Variants in APBA1 observed in about 807,000 individuals in gnomAD.
The protein encoded by APBA1 is amyloid beta precursor protein binding family A member 1.
In APBA1, 55 loss-of-function variants were observed where a neutral mutation model predicts 86.6. That is an observed-to-expected ratio of 0.64 (90% CI 0.51 to 0.80). APBA1 has a LOEUF of 0.80. Ranked by LOEUF, APBA1 falls within the 30% of genes least tolerant of loss-of-function variation. The pLI, the probability that APBA1 is intolerant of heterozygous loss-of-function variation, is 0.00. For missense variants in APBA1, 1,090 were observed against 1,183.0 expected (o/e 0.92, Z 1.15); for synonymous variants, 511 against 493.9 (o/e 1.03, Z -0.46).
intron 1 of APBA1, among the ~76,000 whole-genome samples, chr9:69,590,355 G>A (rs1822106571): frequency 6.6e-6 from 1 of 152,180 alleles, no homozygotes; most frequent in Non-Finnish European, 1.5e-5. Context: ...GTATCCTGTG[G>A]ACATGGGAGA....
chr9:69,593,589 C>T (rs1588383218), intron 1 of APBA1, among the ~76,000 whole-genome samples: 1 of 152,196 alleles, frequency 6.6e-6, no homozygotes, highest in East Asian at 1.9e-4. Context: ...TTACAGGAGG[C>T]TAAAGTTGCC....
chr9:69,672,406 C>T (rs1277302314), upstream of APBA1: 1 of 151,850 alleles, frequency 6.6e-6, no homozygotes, highest in Non-Finnish European at 1.5e-5. Context: ...CCCTCCCGCC[C>T]TCCAGCTAGC....
At chr9:69,576,822 G>A (rs1370642224) in intron 1 of APBA1, among the ~76,000 whole-genome samples, 5 of 152,144 alleles carry the variant, frequency 3.3e-5, no homozygotes, top group Admixed American at 1.3e-4. Context: ...AAACCTGCAC[G>A]TTGTGCACAT....
intron 5 of APBA1, chr9:69,462,934 T>G (rs1022242314): frequency 2.6e-5 from 4 of 152,188 alleles, no homozygotes; most frequent in Non-Finnish European, 4.4e-5. Flanking sequence ...TAGGCAATGC[T>G]GATGCTACTG....
chr9:69,500,739 G>C (rs1332059216), intron 2 of APBA1, among the ~76,000 whole-genome samples: 7 of 152,060 alleles, frequency 4.6e-5, no homozygotes, highest in Admixed American at 4.6e-4. Context: ...CCAACCTCCA[G>C]AGGCTCTAAT....
intron 2 of APBA1, among the ~76,000 whole-genome samples, chr9:69,485,782 A>ATC (rs1292892211): frequency 6.6e-6 from 1 of 152,126 alleles, no homozygotes; most frequent in African/African-American, 2.4e-5. Flanking sequence ...TACAGCTACC[A>ATC]TCTAAGTTTT....
At chr9:69,650,782 C>T (rs1486498764) in intron 1 of APBA1, among the ~76,000 whole-genome samples, 1 of 152,180 alleles carries the variant, frequency 6.6e-6, no homozygotes, top group Non-Finnish European at 1.5e-5. Context: ...AGCATGTATA[C>T]ATACATCTAT....
At chr9:69,605,904 T>C (rs1822460456) in intron 1 of APBA1, among the ~76,000 whole-genome samples, 1 of 152,270 alleles carries the variant, frequency 6.6e-6, no homozygotes, top group Non-Finnish European at 1.5e-5. Flanking sequence ...TCAACATGTA[T>C]TTATCCAATG....
In APBA1 at chr9:69,468,289, G is replaced by C. The variant is rs754283831; in HGVS notation, c.1337-321C>G. ...AGACTGTGAGCTCTTAGGGGACAAG[G>C]ACCATGTGACATTCACCTCTGACTC... On this transcript the variant is annotated intron_variant, in intron 4 of 12. Coordinates refer to ENST00000265381, the MANE Select transcript of APBA1 (RefSeq NM_001163.4). Among the ~76,000 whole-genome samples the C allele has an allele frequency of 9.2e-5, 14 of 152,300 alleles. No individual in the cohort carries two copies. The South Asian group carries it at 1.0e-3, about 11-fold the overall frequency.
At chr9:69,566,452 C>T (rs528200059) in intron 1 of APBA1, among the ~76,000 whole-genome samples, 2 of 152,122 alleles carry the variant, frequency 1.3e-5, no homozygotes, top group South Asian at 2.1e-4. Context: ...GGCATGGGGC[C>T]TAGTGCTTAT....
intron 3 of APBA1, 70 bp from the exon 4 acceptor site, chr9:69,471,765 T>C (rs1423689347): frequency 4.0e-6 from 5 of 1,252,072 alleles, no homozygotes; most frequent in East Asian, 4.6e-5. Flanking sequence ...CAATCATCCA[T>C]GCAACATGAA....
intron 1 of APBA1, among the ~76,000 whole-genome samples, chr9:69,613,526 TAAG>T (rs1241172245): frequency 6.6e-6 from 1 of 152,204 alleles, no homozygotes; most frequent in African/African-American, 2.4e-5. Flanking sequence ...ATCATTGCCT[TAAG>T]CTTTTTCCCC....
Position 69,598,126 on chromosome 9 carries a change from C to T in APBA1, c.-70+74027G>A, listed in dbSNP as rs534817820. Among the ~76,000 whole-genome samples, 198 of 152,094 alleles carry T rather than the reference C, an allele frequency of 1.3e-3. 2 individuals are homozygous for T. The highest frequency in any genetic ancestry group is 5.3e-4 in the Non-Finnish European group (36 of 68,000). On this transcript the variant is annotated intron_variant, in intron 1 of 12. Transcript: ENST00000265381. ...GCCATAAAAAATGATGAGTTCATGT[C>T]CTTTGTAGGGACATGGATGAAATTG...
chr9:69,431,262 G>T lies in APBA1; in HGVS notation c.*65C>A. 2 of 1,317,000 alleles carry T rather than the reference G, an allele frequency of 1.5e-6. No homozygotes were observed. The highest frequency in any genetic ancestry group is 2.1e-6 in the Non-Finnish European group (2 of 957,916). The allele number at this position is 1,317,000 out of a possible 1,614,324, so 81.6% of individuals were successfully genotyped here. A position where few individuals can be genotyped will look rare whatever the true frequency, so the allele number is the denominator to read the frequency against. On this transcript the variant is annotated 3_prime_UTR_variant, in exon 13 of 13. Transcript: ENST00000265381. ...GGAAAGTCTCAGTGGACACAGGGAT[G>T]CAGCACGAGAAACACAACCACGAAG...
At chr9:69,459,980 G>A (rs1338044250) in intron 5 of APBA1, among the ~76,000 whole-genome samples, 1 of 152,208 alleles carries the variant, frequency 6.6e-6, no homozygotes, top group African/African-American at 2.4e-5. Context: ...CAAGTCAATG[G>A]CCAAACTGCA....
intron 1 of APBA1, among the ~76,000 whole-genome samples, chr9:69,648,036 T>G (rs1823424821): frequency 6.6e-6 from 1 of 152,210 alleles, no homozygotes; most frequent in African/African-American, 2.4e-5. Context: ...CACTGCACTC[T>G]CTGGATCAGA....
intron 1 of APBA1, among the ~76,000 whole-genome samples, chr9:69,601,000 G>A (rs2133973537): frequency 6.6e-6 from 1 of 152,066 alleles, no homozygotes; most frequent in East Asian, 1.9e-4. Context: ...AAAGCTTATA[G>A]CTATATAACT....
intron 1 of APBA1, among the ~76,000 whole-genome samples, chr9:69,559,579 A>G (rs140210375): frequency 9.2e-4 from 140 of 152,160 alleles, no homozygotes; most frequent in African/African-American, 3.2e-3. Flanking sequence ...TGTCATTATC[A>G]TTCTTAAAAT....
intron 1 of APBA1, among the ~76,000 whole-genome samples, chr9:69,659,567 A>C (rs1823710660): frequency 6.6e-6 from 1 of 152,134 alleles, no homozygotes; most frequent in Non-Finnish European, 1.5e-5. Context: ...AATTTTGAAA[A>C]CAGTCTTTGC....
Sources: allele counts gnomAD v4.1 joint callset (sites outside exome capture counted in the v4.1 genomes callset), GRCh38; gene constraint gnomAD v4.1.1; transcripts MANE v1.5; gene names NCBI Gene and HGNC (gene_info 2026-07-23, HGNC 2026-07-21).